Variants in SELENOF observed in about 807,000 individuals in gnomAD.
The protein encoded by SELENOF is selenoprotein F, also known as 15 kDa selenoprotein.
A neutral mutation model predicts 20.5 loss-of-function variants in SELENOF; 16 were observed. The ratio of observed to expected loss-of-function variants is 0.78; its 90% CI spans 0.53 to 1.19. The LOEUF (loss-of-function observed/expected upper bound fraction) is 1.19. Ranked by LOEUF, SELENOF falls within the 50% of genes most tolerant of loss-of-function variation. The pLI is 0.00. For synonymous variants in SELENOF, 78 were observed against 74.5 expected, an observed-to-expected ratio of 1.05 and a Z score of -0.24; for missense variants, 215 against 194.2, an observed-to-expected ratio of 1.11 and a Z score of -0.64.
At chr1:86,897,949 A>C (rs1027333647) in intron 2 of SELENOF, among the ~76,000 whole-genome samples, 2 of 152,232 alleles carry the variant, frequency 1.3e-5, no homozygotes, top group Admixed American at 1.3e-4. Flanking sequence ...AAACAAGATC[A>C]ATGGGAAGAG....
At chr1:86,886,310 T>G (rs1659215931) in intron 2 of SELENOF, among the ~76,000 whole-genome samples, 1 of 152,152 alleles carries the variant, frequency 6.6e-6, no homozygotes, top group East Asian at 1.9e-4. Context: ...TATACTATGT[T>G]ATATTAATAG....
At chr1:86,893,450 CAAA>C (rs10714134) in intron 2 of SELENOF, among the ~76,000 whole-genome samples, 3 of 90,488 alleles carry the variant, frequency 3.3e-5, no homozygotes, top group African/African-American at 3.5e-5. Context: ...TACTAAAATA[CAAA>C]AAAAAAAAAA....
chr1:86,887,321 T>C, intron 2 of SELENOF: 1 of 1,118,734 alleles, frequency 8.9e-7, no homozygotes, highest in Non-Finnish European at 1.2e-6. Flanking sequence ...TACTAAATTC[T>C]GAAAAAATAC....
chr1:86,908,878 G>C (rs1471308255), intron 1 of SELENOF, among the ~76,000 whole-genome samples: 1 of 152,118 alleles, frequency 6.6e-6, no homozygotes, highest in African/African-American at 2.4e-5. Context: ...GCTTATTTAA[G>C]CATACTCGAT....
chr1:86,911,577 C>A (rs1659983317), intron 1 of SELENOF, among the ~76,000 whole-genome samples: 1 of 152,112 alleles, frequency 6.6e-6, no homozygotes, highest in Non-Finnish European at 1.5e-5. Flanking sequence ...TTAGGCAGAT[C>A]ACTTGATGCA....
At chr1:86,892,105 T>G (rs577627859) in intron 2 of SELENOF, among the ~76,000 whole-genome samples, 87 of 152,122 alleles carry the variant, frequency 5.7e-4, no homozygotes, top group African/African-American at 2.1e-3. Context: ...TAATTTCTTT[T>G]GTATTTTTAG....
chr1:86,878,841 TAAC>T (rs984239163), intron 3 of SELENOF, among the ~76,000 whole-genome samples: 48 of 152,316 alleles, frequency 3.2e-4, no homozygotes, highest in African/African-American at 1.2e-3. Context: ...ATCACAATTA[TAAC>T]AACTTTTCAC....
At chr1:86,906,981 A>G (rs775955117) in intron 1 of SELENOF, among the ~76,000 whole-genome samples, 8 of 152,268 alleles carry the variant, frequency 5.3e-5, no homozygotes, top group Non-Finnish European at 8.8e-5. Flanking sequence ...AAACAACAAA[A>G]TAAGAACCTC....
At chr1:86,905,198 A>G (rs1375329041) in intron 1 of SELENOF, among the ~76,000 whole-genome samples, 3 of 152,112 alleles carry the variant, frequency 2.0e-5, no homozygotes, top group Non-Finnish European at 4.4e-5. Context: ...ACCAATTAAT[A>G]TATTTTTATA....
At chr1:86,901,226 TATTA>T (rs1009423399) in intron 2 of SELENOF, among the ~76,000 whole-genome samples, 3 of 152,164 alleles carry the variant, frequency 2.0e-5, no homozygotes, top group Non-Finnish European at 4.4e-5. Context: ...CAGAAAAGTA[TATTA>T]TATATATTGT....
At chr1:86,871,310 G>A (rs1212776164) in intron 3 of SELENOF, among the ~76,000 whole-genome samples, 1 of 152,142 alleles carries the variant, frequency 6.6e-6, no homozygotes, top group Non-Finnish European at 1.5e-5. Context: ...AGTACTCTAA[G>A]TTCAGAGCAA....
chr1:86,881,396 G>A (rs1185389513), intron 2 of SELENOF, among the ~76,000 whole-genome samples: 1 of 152,158 alleles, frequency 6.6e-6, no homozygotes, highest in Non-Finnish European at 1.5e-5. Flanking sequence ...AATGAATTCA[G>A]CTGAAATGGA....
At chr1:86,899,821 A>C (rs1314441607) in intron 2 of SELENOF, among the ~76,000 whole-genome samples, 1 of 138,752 alleles carries the variant, frequency 7.2e-6, no homozygotes, top group African/African-American at 2.8e-5. Flanking sequence ...GGGGCTCCTC[A>C]CTTCTCAGAC....
intron 3 of SELENOF, among the ~76,000 whole-genome samples, chr1:86,876,752 G>C (rs1187016197): frequency 6.6e-6 from 1 of 152,220 alleles, no homozygotes; most frequent in African/African-American, 2.4e-5. Flanking sequence ...GCAGGCAGTA[G>C]AAGAGATGCC....
chr1:86,883,989 G>A (rs762762616), intron 2 of SELENOF, among the ~76,000 whole-genome samples: 15 of 152,056 alleles, frequency 9.9e-5, no homozygotes, highest in South Asian at 6.2e-4. Flanking sequence ...TGATTTCCTC[G>A]TCTCAGGTAA....
Position 86,884,401 on chromosome 1 carries a change from G to GCA in SELENOF, c.253-3678_253-3677dup, listed in dbSNP as rs1280931478. Among the ~76,000 whole-genome samples the GCA allele has an allele frequency of 3.4e-5, 5 of 147,536 alleles. No homozygotes were observed. In the South Asian group the frequency reaches 6.6e-4, roughly 19 times the overall value. On this transcript the variant is annotated intron_variant, in intron 2 of 4. Coordinates refer to ENST00000331835, the MANE Select transcript of SELENOF (RefSeq NM_004261.5). ...CATATACACACACATATATATACAC[G>GCA]CACACACATATATATATATGATTTG... is the stretch of plus-strand genomic sequence containing the variant.
intron 3 of SELENOF, 24 bp from the exon 4 acceptor site, chr1:86,868,126 T>A (rs1351971668): frequency 1.6e-6 from 2 of 1,240,362 alleles, no homozygotes; most frequent in Non-Finnish European, 2.3e-6. Flanking sequence ...AAAAAAAGAT[T>A]CAGTAGTTCA....
intron 3 of SELENOF, among the ~76,000 whole-genome samples, chr1:86,871,550 A>T (rs1387153182): frequency 1.3e-5 from 2 of 152,242 alleles, no homozygotes; most frequent in Non-Finnish European, 2.9e-5. Flanking sequence ...CTGAAAAAGT[A>T]TAATAAAAAT....
chr1:86,912,075 A>G (rs1659999386), intron 1 of SELENOF, among the ~76,000 whole-genome samples: 1 of 152,150 alleles, frequency 6.6e-6, no homozygotes, highest in Non-Finnish European at 1.5e-5. Context: ...AAAAATGACT[A>G]ATTTTTGGCT....
Sources: allele counts gnomAD v4.1 joint callset (sites outside exome capture counted in the v4.1 genomes callset), GRCh38; gene constraint gnomAD v4.1.1; transcripts MANE v1.5; gene names NCBI Gene and HGNC (gene_info 2026-07-23, HGNC 2026-07-21).